STAC: variants seen among roughly 807,000 people sequenced by gnomAD.
STAC encodes SH3 and cysteine-rich domain-containing protein.
A neutral mutation model predicts 48.8 loss-of-function variants in STAC; 43 were observed. The ratio of observed to expected loss-of-function variants is 0.88; its 90% CI spans 0.69 to 1.14. The LOEUF (loss-of-function observed/expected upper bound fraction) is 1.14, where lower values mean the gene tolerates loss of function less well. Among genes scored for constraint, STAC ranks in the 50% most tolerant of loss-of-function variants. The pLI is 0.00. For missense variants in STAC, 497 were observed against 504.0 expected, an observed-to-expected ratio of 0.99 and a Z score of 0.13; for synonymous variants, 193 against 179.5, an observed-to-expected ratio of 1.07 and a Z score of -0.60.
At chr3:36,421,597 A>G (rs895918823) in intron 1 of STAC, among the ~76,000 whole-genome samples, 2 of 152,142 alleles carry the variant, frequency 1.3e-5, no homozygotes, top group Admixed American at 6.5e-5. Flanking sequence ...CATTTAACCC[A>G]GAAGCTCTCT....
At chr3:36,423,086 C>G (rs1488815073) in intron 1 of STAC, among the ~76,000 whole-genome samples, 1 of 152,022 alleles carries the variant, frequency 6.6e-6, no homozygotes, top group African/African-American at 2.4e-5. Flanking sequence ...ATCTGTTTCC[C>G]TGGGACATCT....
intron 2 of STAC, among the ~76,000 whole-genome samples, chr3:36,456,526 G>C (rs73065789): frequency 0.14 from 20,612 of 152,066 alleles, 1,596 homozygotes; most frequent in African/African-American, 0.21. Flanking sequence ...CTTGCTCCCT[G>C]CTGTATAGGG....
chr3:36,406,492 A>C (rs563529888), intron 1 of STAC, among the ~76,000 whole-genome samples: 25 of 152,212 alleles, frequency 1.6e-4, no homozygotes, highest in South Asian at 4.1e-4. Flanking sequence ...ATTCACTGCG[A>C]ACCTGCAGCC....
At chr3:36,423,210 T>G (rs1173392634) in intron 1 of STAC, among the ~76,000 whole-genome samples, 3 of 152,008 alleles carry the variant, frequency 2.0e-5, no homozygotes, top group Non-Finnish European at 4.4e-5. Context: ...ATTTCAGAAG[T>G]GATACACAGC....
At chr3:36,417,380 G>A (rs1052518330) in intron 1 of STAC, among the ~76,000 whole-genome samples, 8 of 152,012 alleles carry the variant, frequency 5.3e-5, no homozygotes, top group African/African-American at 1.9e-4. Context: ...TGGATTCAGG[G>A]GAATCAGCAT....
At chr3:36,525,872 T>A (rs901671978) in intron 8 of STAC, among the ~76,000 whole-genome samples, 2 of 152,210 alleles carry the variant, frequency 1.3e-5, no homozygotes, top group African/African-American at 4.8e-5. Flanking sequence ...GAATCCCTGA[T>A]GAAGATAGAT....
intron 1 of STAC, among the ~76,000 whole-genome samples, chr3:36,415,125 C>T (rs747970232): frequency 3.3e-5 from 5 of 152,198 alleles, no homozygotes; most frequent in African/African-American, 7.2e-5. Context: ...CAGGGACCCA[C>T]TTGAGGAGGC....
At chr3:36,402,930 C>T (rs1198544940) in intron 1 of STAC, among the ~76,000 whole-genome samples, 2 of 152,060 alleles carry the variant, frequency 1.3e-5, no homozygotes, top group East Asian at 3.9e-4. Context: ...AGTTATTCAC[C>T]CTTAAATATG....
At chr3:36,537,847 A>T (rs1699233936) in intron 10 of STAC, among the ~76,000 whole-genome samples, 1 of 152,076 alleles carries the variant, frequency 6.6e-6, no homozygotes, top group Non-Finnish European at 1.5e-5. Flanking sequence ...TTGACCAAAC[A>T]TTAATTAAAG....
chr3:36,513,574 C>T (rs1326027710), intron 8 of STAC, among the ~76,000 whole-genome samples: 1 of 152,164 alleles, frequency 6.6e-6, no homozygotes, highest in Non-Finnish European at 1.5e-5. Flanking sequence ...GGCTTCATCT[C>T]ATCTTTGGAG....
intron 1 of STAC, among the ~76,000 whole-genome samples, chr3:36,408,734 A>T (rs1463524565): frequency 6.6e-6 from 1 of 152,182 alleles, no homozygotes; most frequent in African/African-American, 2.4e-5. Context: ...GGAATGAGGA[A>T]GGCAAAGTAA....
chr3:36,426,908 A>C (rs1700578645), intron 1 of STAC, among the ~76,000 whole-genome samples: 1 of 152,174 alleles, frequency 6.6e-6, no homozygotes, highest in South Asian at 2.1e-4. Flanking sequence ...GTTGGTCATA[A>C]GGGTCTCATT....
Position 36,460,432 on chromosome 3 carries a change from G to A in STAC, c.388+16792G>A, listed in dbSNP as rs531868427. 2.0e-5 allele frequency among the ~76,000 whole-genome samples: 3 copies of A among 151,902 alleles called. No individual in the cohort carries two copies. The East Asian group carries it at 5.8e-4, about 29-fold the overall frequency. ...ACACACTTGTCCCATGCAATATTTGGGAAACACTAACACACAAAAAAATTT... is the reference window on the plus strand; with the variant it reads ...ACACACTTGTCCCATGCAATATTTGAGAAACACTAACACACAAAAAAATTT... On this transcript the variant is annotated intron_variant, in intron 2 of 10. Coordinates refer to ENST00000273183, the MANE Select transcript of STAC (RefSeq NM_003149.3).
At chr3:36,540,942 A>G (rs1699309665) in intron 10 of STAC, among the ~76,000 whole-genome samples, 1 of 152,132 alleles carries the variant, frequency 6.6e-6, no homozygotes, top group Non-Finnish European at 1.5e-5. Context: ...ATCAAACTCA[A>G]ACTTAAAGGG....
At chr3:36,497,488 T>A (rs1698178630) in intron 6 of STAC, among the ~76,000 whole-genome samples, 1 of 152,152 alleles carries the variant, frequency 6.6e-6, no homozygotes, top group Non-Finnish European at 1.5e-5. Context: ...ACTATGCACA[T>A]CCCTAGAGCC....
chr3:36,470,402 A>T (rs1697298063), intron 2 of STAC, among the ~76,000 whole-genome samples: 1 of 152,252 alleles, frequency 6.6e-6, no homozygotes, highest in Non-Finnish European at 1.5e-5. Context: ...ATCTGGAAAG[A>T]GTCCTGTGAC....
chr3:36,385,713 A>G (rs149947156), intron 1 of STAC, among the ~76,000 whole-genome samples: 1 of 152,230 alleles, frequency 6.6e-6, no homozygotes, highest in Non-Finnish European at 1.5e-5. Flanking sequence ...AACAACATAA[A>G]TTATTTGCTC....
chr3:36,525,552 A>C (rs1213535019), intron 8 of STAC, among the ~76,000 whole-genome samples: 1 of 151,930 alleles, frequency 6.6e-6, no homozygotes, highest in African/African-American at 2.4e-5. Context: ...TGCCTCTTTC[A>C]CTCTTAGGGA....
chr3:36,448,657 CA>C (rs1410073405), intron 2 of STAC, among the ~76,000 whole-genome samples: 14 of 152,138 alleles, frequency 9.2e-5, no homozygotes, highest in Non-Finnish European at 1.9e-4. Flanking sequence ...CTGTTATCTT[CA>C]AATAGTTGAA....
Sources: allele counts gnomAD v4.1 joint callset (sites outside exome capture counted in the v4.1 genomes callset), GRCh38; gene constraint gnomAD v4.1.1; transcripts MANE v1.5; gene names NCBI Gene and HGNC (gene_info 2026-07-23, HGNC 2026-07-21).